Variants in VRK2 observed in about 807,000 individuals in gnomAD.
The protein encoded by VRK2 is serine/threonine-protein kinase VRK2.
In VRK2, 60 loss-of-function variants were observed where a neutral mutation model predicts 57.6. The ratio of observed to expected loss-of-function variants is 1.04; its 90% CI spans 0.85 to 1.29. VRK2 has a LOEUF of 1.29. Among genes scored for constraint, VRK2 ranks in the 50% most tolerant of loss-of-function variants. The pLI is 0.00. For missense variants in VRK2, 705 were observed against 588.1 expected (o/e 1.20, Z -2.06); for synonymous variants, 231 against 199.2 (o/e 1.16, Z -1.35).
At chr2:58,098,703 A>G (rs1322934686) in intron 7 of VRK2, among the ~76,000 whole-genome samples, 1 of 152,058 alleles carries the variant, frequency 6.6e-6, no homozygotes, top group Non-Finnish European at 1.5e-5. Context: ...TGTTCATACA[A>G]TGATGAAATT....
At chr2:58,056,611 A>T (rs1558575153) in intron 2 of VRK2, among the ~76,000 whole-genome samples, 4 of 151,760 alleles carry the variant, frequency 2.6e-5, no homozygotes, top group African/African-American at 9.7e-5. Flanking sequence ...TAGTGTGGCT[A>T]CTCACCCCAC....
intron 2 of VRK2, among the ~76,000 whole-genome samples, chr2:58,064,697 AAG>A (rs1368924834): frequency 6.6e-6 from 1 of 152,108 alleles, no homozygotes; most frequent in Non-Finnish European, 1.5e-5. Context: ...CCATTACTAA[AAG>A]AGTTTGAAGA....
intron 2 of VRK2, among the ~76,000 whole-genome samples, chr2:58,083,080 A>G (rs1671126540): frequency 6.6e-6 from 1 of 151,758 alleles, no homozygotes; most frequent in Non-Finnish European, 1.5e-5. Context: ...ATTGTATCTC[A>G]AGAATTTGAT....
At chr2:58,124,897 GT>G (rs1470721158) in intron 8 of VRK2, among the ~76,000 whole-genome samples, 4 of 152,010 alleles carry the variant, frequency 2.6e-5, no homozygotes, top group African/African-American at 7.2e-5. Context: ...ATTTTGTAGT[GT>G]TGTGTGATTT....
At chr2:58,056,257 A>G (rs757675466) in intron 2 of VRK2, among the ~76,000 whole-genome samples, 8 of 152,136 alleles carry the variant, frequency 5.3e-5, no homozygotes, top group African/African-American at 7.2e-5. Flanking sequence ...AACTTTATCT[A>G]TGGAACAGAT....
At chr2:58,047,871 T>G (rs1287081337) in intron 1 of VRK2, among the ~76,000 whole-genome samples, 1 of 152,208 alleles carries the variant, frequency 6.6e-6, no homozygotes. Flanking sequence ...GATACTTTCT[T>G]TTATGGAAGC....
At chr2:57,941,057 G>C (rs1198675492) in intron 1 of VRK2, among the ~76,000 whole-genome samples, 1 of 152,154 alleles carries the variant, frequency 6.6e-6, no homozygotes, top group African/African-American at 2.4e-5. Context: ...TCCTAGAGTA[G>C]AAATTCAACT....
In VRK2 at chr2:58,093,838, T is replaced by C. The variant is rs532579613; in HGVS notation, c.543+4115T>C. 5.3e-5 allele frequency among the ~76,000 whole-genome samples: 8 copies of C among 152,348 alleles called. No individual in the cohort carries two copies. The South Asian group carries it at 1.7e-3, about 32-fold the overall frequency. On this transcript the variant is annotated intron_variant, in intron 7 of 12. Coordinates refer to ENST00000340157, the MANE Select transcript of VRK2 (RefSeq NM_006296.7). ...CTTTAATCCATCTTGAATTAATTTT[T>C]GTATAAAGTGTAAGGAAGGGATCCA...
chr2:58,045,611 TG>T (rs1674681978), upstream of VRK2, among the ~76,000 whole-genome samples: 1 of 152,226 alleles, frequency 6.6e-6, no homozygotes, highest in Non-Finnish European at 1.5e-5. Context: ...AATACTTTTT[TG>T]TTTGTTTTTA....
intron 2 of VRK2, among the ~76,000 whole-genome samples, chr2:58,061,469 C>T (rs2103896544): frequency 6.6e-6 from 1 of 151,890 alleles, no homozygotes; most frequent in East Asian, 1.9e-4. Context: ...GTCTGTAAGC[C>T]TCAATTAAAG....
chr2:57,910,096 A>G (rs1241982834), intron 1 of VRK2, among the ~76,000 whole-genome samples: 4 of 151,844 alleles, frequency 2.6e-5, no homozygotes, highest in Admixed American at 2.6e-4. Context: ...ACTTAAAACC[A>G]TGAATGAAGA....
intron 1 of VRK2, among the ~76,000 whole-genome samples, chr2:58,001,003 C>T (rs2103623225): frequency 6.6e-6 from 1 of 152,218 alleles, no homozygotes; most frequent in East Asian, 1.9e-4. Flanking sequence ...TTTCTATCTA[C>T]AACAATGTTC....
At chr2:57,982,235 T>A (rs1280234219) in intron 1 of VRK2, among the ~76,000 whole-genome samples, 1 of 152,190 alleles carries the variant, frequency 6.6e-6, no homozygotes, top group East Asian at 1.9e-4. Flanking sequence ...TCTGGCTTCT[T>A]CAGGTTAAGC....
chr2:58,086,698 ATGTGGCTAC>A (rs1319621734), intron 5 of VRK2, among the ~76,000 whole-genome samples: 2 of 152,192 alleles, frequency 1.3e-5, no homozygotes, highest in Admixed American at 6.5e-5. Context: ...AGGGTTCCTC[ATGTGGCTAC>A]TGGTAGGCCT....
At chr2:57,952,489 A>G (rs1242684735) in intron 1 of VRK2, among the ~76,000 whole-genome samples, 5 of 152,178 alleles carry the variant, frequency 3.3e-5, no homozygotes, top group Admixed American at 1.3e-4. Context: ...GGTTTTTCCA[A>G]GTTGCTTCAG....
chr2:58,038,229 T>C (rs1399683810), intron 3 of VRK2, among the ~76,000 whole-genome samples: 1 of 152,012 alleles, frequency 6.6e-6, no homozygotes, highest in African/African-American at 2.4e-5. Context: ...AGTGAGTGAG[T>C]TCTCACAAGA....
chr2:58,138,298 TCA>T (rs1264919752), intron 10 of VRK2, among the ~76,000 whole-genome samples: 2 of 152,166 alleles, frequency 1.3e-5, no homozygotes, highest in African/African-American at 4.8e-5. Context: ...GCATGAAGCA[TCA>T]GTTATAAATA....
intron 3 of VRK2, among the ~76,000 whole-genome samples, chr2:58,039,453 C>T (rs1195303176): frequency 6.6e-6 from 1 of 152,098 alleles, no homozygotes; most frequent in Non-Finnish European, 1.5e-5. Flanking sequence ...GAATTCTTGT[C>T]TTTTCTGTTT....
chr2:58,148,004 A>G (rs1682424698), intron 12 of VRK2, among the ~76,000 whole-genome samples: 1 of 151,852 alleles, frequency 6.6e-6, no homozygotes, highest in African/African-American at 2.4e-5. Context: ...TATAGTTGCT[A>G]CAAACATTCT....
Sources: allele counts gnomAD v4.1 joint callset (sites outside exome capture counted in the v4.1 genomes callset), GRCh38; gene constraint gnomAD v4.1.1; transcripts MANE v1.5; gene names NCBI Gene and HGNC (gene_info 2026-07-23, HGNC 2026-07-21).